KNSTRN: variants seen among roughly 807,000 people sequenced by gnomAD.
The protein encoded by KNSTRN is small kinetochore-associated protein.
KNSTRN carries 38 observed loss-of-function variants against 44.7 expected under a neutral mutation model. The ratio of observed to expected loss-of-function variants is 0.85; its 90% CI spans 0.66 to 1.11. The LOEUF is 1.11. Ranked by LOEUF, KNSTRN falls within the 50% of genes most tolerant of loss-of-function variation. The pLI, the probability that KNSTRN is intolerant of heterozygous loss-of-function variation, is 0.00. For synonymous variants in KNSTRN, 158 were observed against 148.1 expected, an observed-to-expected ratio of 1.07 and a Z score of -0.48; for missense variants, 406 against 375.8, an observed-to-expected ratio of 1.08 and a Z score of -0.66.
intron 8 of KNSTRN, among the ~76,000 whole-genome samples, chr15:40,392,250 G>A (rs1890013012): frequency 6.6e-6 from 1 of 151,432 alleles, no homozygotes. Flanking sequence ...TTGTTACACA[G>A]GTAAACGTGT....
chr15:40,391,810 C>T (rs1391115063), intron 7 of KNSTRN, 139 bp from the exon 8 acceptor site: 2 of 727,652 alleles, frequency 2.7e-6, no homozygotes, highest in Non-Finnish European at 4.6e-6. Context: ...AGAGCTTTCT[C>T]GTTCTTCTGT....
rs184290703 is a variant in KNSTRN at position 40,391,856 on chromosome 15, G to T, written c.748-93G>T. ...ATCAAATTTCTCTCCTGACTCCTTT[G>T]TTGAGAACTGTGTGGAAAGGATGTT... On this transcript the variant is annotated intron_variant, in intron 7 of 8. Transcript: ENST00000249776. 296 of 979,586 alleles carry T rather than the reference G, an allele frequency of 3.0e-4. 1 individual carries two copies. The highest frequency in any genetic ancestry group is 2.3e-4 in the African/African-American group (14 of 61,278). 60.7% of individuals were successfully genotyped at this position (979,586 alleles called of 1,614,324 possible).
At chr15:40,388,072 C>T (rs1359042431) in intron 4 of KNSTRN, among the ~76,000 whole-genome samples, 1 of 152,164 alleles carries the variant, frequency 6.6e-6, no homozygotes, top group Non-Finnish European at 1.5e-5. Flanking sequence ...TAAGAAAAAA[C>T]TCTAATATTG....
Position 40,389,591 on chromosome 15 carries a change from C to T in KNSTRN, c.571C>T (p.Gln191Ter). 1 of 1,613,368 alleles carries T rather than the reference C, an allele frequency of 6.2e-7. No individual in the cohort carries two copies. The highest frequency in any genetic ancestry group is 8.5e-7 in the Non-Finnish European group (1 of 1,179,314). The change falls in exon 5 of 9, where the codon CAG (glutamine) becomes TAG (stop). Residue 191 changes from glutamine to a stop codon, truncating the protein, a stop_gained. Transcript: ENST00000249776. LOFTEE classifies it high-confidence loss of function. ...AGAAGCCGTCAACAAGCAGTTGCACCAGAAGTTGACTGAAACTCAGGTAAG... is the reference window on the plus strand; with the variant it reads ...AGAAGCCGTCAACAAGCAGTTGCACTAGAAGTTGACTGAAACTCAGGTAAG... The part of the protein sequence containing the change: ...LLEAVNKQLH[Q>*]KLTETQGELK...
chr15:40,392,227 A>C (rs1235341380), intron 8 of KNSTRN, among the ~76,000 whole-genome samples: 2 of 151,720 alleles, frequency 1.3e-5, no homozygotes, highest in African/African-American at 4.8e-5. Flanking sequence ...GTACACGTAC[A>C]GGGTGTGTAG....
chr15:40,387,874 G>A (rs112693624), intron 4 of KNSTRN, among the ~76,000 whole-genome samples: 192 of 152,266 alleles, frequency 1.3e-3, no homozygotes, highest in African/African-American at 4.5e-3. Flanking sequence ...CAGGCATGGT[G>A]GCGCATGTCT....
In KNSTRN at chr15:40,394,232, T is replaced by C. The variant is rs1238380169; in HGVS notation, c.*635T>C. 6.6e-6 allele frequency: 1 copy of C among 152,246 alleles called. No homozygotes were observed. Among genetic ancestry groups the C allele is most frequent in the East Asian group, 1.9e-4 (1 of 5,202 alleles). 9.4% of individuals were successfully genotyped at this position (152,246 alleles called of 1,614,324 possible). ...TTTTTAAGTCTACTTTTAAAATAAA[T>C]ACTTCTGTAAATATTCTGACTGTAA... On this transcript the variant is annotated 3_prime_UTR_variant, in exon 9 of 9. Coordinates refer to ENST00000249776, the MANE Select transcript of KNSTRN (RefSeq NM_033286.4).
chr15:40,393,068 G>A (rs752255745), intron 8 of KNSTRN: 53 of 901,504 alleles, frequency 5.9e-5, no homozygotes, highest in Non-Finnish European at 8.8e-5. Flanking sequence ...ATGAGGCAAT[G>A]TGTAACACAG....
chr15:40,383,037 G>C lies in KNSTRN; in HGVS notation c.202G>C (p.Ala68Pro). Reference protein sequence around the residue: ...SEKDCGQDRRAPGVQPCRLVT... With the variant: ...SEKDCGQDRRPPGVQPCRLVT... ...GAAGGACTGCGGGCAGGACCGGCGG[G>C]CTCCTGGGTTCGGCTCTCCCGGGGC... Residue 68 changes from alanine to proline, a missense_variant, in exon 1 of 9, where the codon GCT becomes CCT. Physicochemically the swap from Ala to Pro is conservative, Grantham distance 27. Coordinates refer to ENST00000249776, the MANE Select transcript of KNSTRN (RefSeq NM_033286.4). The C allele has an allele frequency of 1.2e-6, 2 of 1,610,544 alleles. No individual in the cohort carries two copies. The highest frequency in any genetic ancestry group is 1.1e-5 in the South Asian group (1 of 91,002).
chr15:40,387,762 C>T (rs1036975750), intron 4 of KNSTRN, among the ~76,000 whole-genome samples: 16 of 152,208 alleles, frequency 1.1e-4, no homozygotes, highest in African/African-American at 3.4e-4. Flanking sequence ...AATCGCAACA[C>T]TTTGGGAGGC....
chr15:40,387,311 T>C (rs917434574), intron 4 of KNSTRN, 105 bp downstream of exon 4: 9 of 972,624 alleles, frequency 9.3e-6, no homozygotes, highest in Admixed American at 5.7e-5. Flanking sequence ...TGTGTTAGGG[T>C]CTGGGTTCCA....
rs1185531562 is a variant in KNSTRN at position 40,393,467 on chromosome 15, AGGC to A, written c.823-1_824del. On this transcript the variant is annotated splice_acceptor_variant and coding_sequence_variant, in exon 9 of 9. Transcript: ENST00000249776. LOFTEE classifies it high-confidence loss of function. ...TTTCTTTTGGAATGTCTTTCCATGCAGGCCTTAAAGGTAAAGCTGGAGATGAAA... is the reference window on the plus strand; with the variant it reads ...TTTCTTTTGGAATGTCTTTCCATGCACTTAAAGGTAAAGCTGGAGATGAAA... 6.2e-7 allele frequency: 1 copy of A among 1,610,134 alleles called. No individual in the cohort carries two copies. The highest frequency in any genetic ancestry group is 1.7e-5 in the Admixed American group (1 of 58,906).
At chr15:40,386,589 C>A in intron 3 of KNSTRN, 95 bp downstream of exon 3, 4 of 1,339,240 alleles carry the variant, frequency 3.0e-6, no homozygotes, top group Non-Finnish European at 4.1e-6. Flanking sequence ...ACACAAGTCT[C>A]CTGAACAACT....
chr15:40,385,682 C>T (rs1446600425), intron 2 of KNSTRN, among the ~76,000 whole-genome samples: 1 of 152,176 alleles, frequency 6.6e-6, no homozygotes, highest in Non-Finnish European at 1.5e-5. Flanking sequence ...GCAGCTCAGT[C>T]ATGCCTTAGG....
At chr15:40,384,347 C>T (rs1274519280) in intron 2 of KNSTRN, 4 of 402,892 alleles carry the variant, frequency 9.9e-6, no homozygotes, top group Non-Finnish European at 2.0e-5. Flanking sequence ...GCACTCCAGC[C>T]TGGGCGACAG....
chr15:40,393,307 T>G (rs8037941), intron 8 of KNSTRN, 162 bp from the exon 9 acceptor site: 1 of 1,607,454 alleles, frequency 6.2e-7, no homozygotes, highest in Non-Finnish European at 8.5e-7. Flanking sequence ...CTAAAACCAG[T>G]GCATAGAAAT....
rs757955083 is a variant in KNSTRN, at chr15:40,382,865, CAG to C, written c.33_34del (p.Arg11SerfsTer19). On this transcript the variant is annotated frameshift_variant, in exon 1 of 9. Transcript: ENST00000249776. LOFTEE classifies it high-confidence loss of function. ...CGGCTCCCGAAGCCCCGCCCCTGGA[CAG>C]AGTTTTCCGTACAACATGGCTGTCT... MAAPEAPPLD[R>X]VFRTTWLSTE... The C allele has an allele frequency of 1.1e-5, 18 of 1,612,014 alleles. No homozygotes were observed. Among genetic ancestry groups the C allele is most frequent in the Non-Finnish European group, 1.4e-5 (16 of 1,179,974 alleles).
At chr15:40,386,233 A>T (rs1416865925) in intron 2 of KNSTRN, 129 bp from the exon 3 acceptor site, 2 of 1,025,632 alleles carry the variant, frequency 2.0e-6, no homozygotes, top group African/African-American at 3.2e-5. Flanking sequence ...TCTCAAAAAA[A>T]TAAATAATAC....
At chr15:40,383,191 G>C in intron 1 of KNSTRN, 37 bp from the exon 2 acceptor site, 1 of 1,599,498 alleles carries the variant, frequency 6.3e-7, no homozygotes, top group Non-Finnish European at 8.6e-7. Flanking sequence ...GGGCCCAGTG[G>C]CCCAGCGCTG....
Sources: gnomAD v4.1 joint callset for allele counts (sites outside exome capture counted in the v4.1 genomes callset) on GRCh38, gnomAD v4.1.1 for gene constraint, MANE v1.5 for transcripts, NCBI Gene and HGNC (gene_info 2026-07-23, HGNC 2026-07-21) for gene names.